The following BMS1 variants were observed in gnomAD, a reference collection of about 807,000 sequenced individuals.
BMS1 encodes the protein ribosome biogenesis protein BMS1 homolog.
Under a neutral mutation model 138.7 loss-of-function variants are expected in BMS1, and 53 were observed. That is an observed-to-expected ratio of 0.38 (90% CI 0.31 to 0.48). The LOEUF is 0.48. Ranked by LOEUF, BMS1 falls within the 20% of genes least tolerant of loss-of-function variation. The pLI, the probability that BMS1 is intolerant of heterozygous loss-of-function variation, is 0.97. For synonymous variants in BMS1, 504 were observed against 539.9 expected (o/e 0.93, Z 0.92); for missense variants, 1,360 against 1,565.5 (o/e 0.87, Z 2.22).
At chr10:42,830,197 C>A in intron 21 of BMS1, 64 bp from the exon 22 acceptor site, 4 of 1,575,088 alleles carry the variant, frequency 2.5e-6, no homozygotes, top group African/African-American at 1.4e-5. Flanking sequence ...AGATTTTATG[C>A]AGAAGTTTTA....
Position 42,832,402 on chromosome 10 carries a change from G to A in BMS1, c.*1306G>A, listed in dbSNP as rs1842816324. The A allele has an allele frequency of 7.2e-6, 1 of 138,164 alleles. No homozygotes were observed. The allele number at this position is 138,164 out of a possible 1,614,324, so 8.6% of individuals were successfully genotyped here. A position where few individuals can be genotyped will look rare whatever the true frequency, so the allele number is the denominator to read the frequency against. Reference sequence around the variant, plus strand: ...ATAGCACCACTGCACTCCAGCCTGGGCGACAGGGCAAGACCCTGTTTCAAA... The same window carrying A: ...ATAGCACCACTGCACTCCAGCCTGGACGACAGGGCAAGACCCTGTTTCAAA... On this transcript the variant is annotated 3_prime_UTR_variant, in exon 23 of 23. Coordinates refer to ENST00000374518, the MANE Select transcript of BMS1 (RefSeq NM_014753.4).
rs536456811 is a variant in BMS1, at chr10:42,822,188, T to C, written c.3132+4T>C. The stretch of plus-strand genomic sequence containing the variant: ...CAAGAACACTTCATTTATTAAGGTC[T>C]GTATATCTATATATTCTCATATTTA... On this transcript the variant is annotated splice_donor_region_variant and intron_variant, in intron 19 of 22. Coordinates refer to ENST00000374518, the MANE Select transcript of BMS1 (RefSeq NM_014753.4). 7.6e-7 allele frequency: 1 copy of C among 1,311,848 alleles called. No homozygotes were observed. Among genetic ancestry groups the C allele is most frequent in the East Asian group, 2.3e-5 (1 of 43,406 alleles). The allele number at this position is 1,311,848 out of a possible 1,614,324, so 81.3% of individuals were successfully genotyped here. A position where few individuals can be genotyped will look rare whatever the true frequency, so the allele number is the denominator to read the frequency against.
intron 18 of BMS1, among the ~76,000 whole-genome samples, chr10:42,821,228 T>G (rs944578922): frequency 1.8e-4 from 28 of 152,150 alleles, no homozygotes; most frequent in African/African-American, 6.8e-4. Context: ...TTGCATTTAT[T>G]TATCTAAGCA....
intron 5 of BMS1, among the ~76,000 whole-genome samples, chr10:42,791,339 A>C (rs1219266838): frequency 6.6e-6 from 1 of 152,008 alleles, no homozygotes; most frequent in Non-Finnish European, 1.5e-5. Context: ...CTTCCTTTCT[A>C]TACTGCTCTG....
intron 4 of BMS1, 116 bp downstream of exon 4, chr10:42,787,363 C>A (rs1011757050): frequency 8.4e-6 from 7 of 832,312 alleles, no homozygotes; most frequent in Admixed American, 3.8e-5. Context: ...TCATGGTCAT[C>A]ATCAGTGATA....
At position 42,820,388 on chromosome 10, in the gene BMS1, C is replaced by G. The variant is rs748601383; in HGVS notation, c.2733C>G (p.Gly911=). The change falls in exon 16 of 23, where the codon GGC becomes GGG. Residue 911 remains glycine (G), a synonymous_variant. Coordinates refer to ENST00000374518, the MANE Select transcript of BMS1 (RefSeq NM_014753.4). ...FDPHYPIILG[G]LGNSEGNVGY... ...CCCATTACCCCATTATCCTGGGTGG[C>G]TTGGGCAACAGTGAGGGAAATGTTG... 6.2e-7 allele frequency: 1 copy of G among 1,613,784 alleles called. No homozygotes were observed. The highest frequency in any genetic ancestry group is 8.5e-7 in the Non-Finnish European group (1 of 1,179,834).
chr10:42,821,718 A>G (rs1218317232), intron 18 of BMS1, among the ~76,000 whole-genome samples: 1 of 151,648 alleles, frequency 6.6e-6, no homozygotes, highest in African/African-American at 2.4e-5. Context: ...ATGCTGAGCT[A>G]ATTTTTGTAT....
At chr10:42,803,473 AT>A (rs1031056042) in intron 13 of BMS1, among the ~76,000 whole-genome samples, 17 of 150,870 alleles carry the variant, frequency 1.1e-4, no homozygotes, top group East Asian at 2.0e-4. Flanking sequence ...TATATATATA[AT>A]TTTTTTTTCT....
rs1842793720 is a variant in BMS1 at position 42,831,216 on chromosome 10, A to G, written c.*120A>G. 1 of 1,071,452 alleles carries G rather than the reference A, an allele frequency of 9.3e-7. No homozygotes were observed. Among genetic ancestry groups the G allele is most frequent in the Admixed American group, 2.8e-5 (1 of 35,954 alleles). The allele number at this position is 1,071,452 out of a possible 1,614,324, so 66.4% of individuals were successfully genotyped here. On this transcript the variant is annotated 3_prime_UTR_variant, in exon 23 of 23. Transcript: ENST00000374518. ...AGAGCTCAAGAGATGTCTCTACTCA[A>G]ACTGTGCCTGCAGGAGGAGGAACAG...
intron 21 of BMS1, among the ~76,000 whole-genome samples, chr10:42,826,073 G>C (rs759382336): frequency 2.0e-5 from 3 of 152,180 alleles, no homozygotes; most frequent in Admixed American, 1.3e-4. Flanking sequence ...CACATTGATT[G>C]ATTTACATAT....
At chr10:42,804,964 C>T (rs1486264265) in intron 13 of BMS1, among the ~76,000 whole-genome samples, 6 of 152,008 alleles carry the variant, frequency 3.9e-5, no homozygotes, top group East Asian at 1.9e-4. Flanking sequence ...GTGATCCATC[C>T]GCCTCAGCCT....
In BMS1 at chr10:42,829,892, G is replaced by T. The variant is rs1842753804; in HGVS notation, c.3457-369G>T. Reference sequence around the variant, plus strand: ...CAAGACAAAAAGCTAGATTATTTTTGTTAGTCTGGGAAATAAGCACCTCAG... The same window carrying T: ...CAAGACAAAAAGCTAGATTATTTTTTTTAGTCTGGGAAATAAGCACCTCAG... On this transcript the variant is annotated intron_variant, in intron 21 of 22. Coordinates refer to ENST00000374518, the MANE Select transcript of BMS1 (RefSeq NM_014753.4). Among the ~76,000 whole-genome samples the T allele has an allele frequency of 2.6e-5, 4 of 152,172 alleles. No individual in the cohort carries two copies. In the South Asian group the frequency reaches 8.3e-4, roughly 32 times the overall value.
chr10:42,786,540 C>T (rs1409223677), intron 3 of BMS1, among the ~76,000 whole-genome samples: 2 of 151,948 alleles, frequency 1.3e-5, no homozygotes, highest in Non-Finnish European at 2.9e-5. Context: ...CTACCTTAGC[C>T]TCCTGAGTAG....
chr10:42,797,017 A>G lies in BMS1; in HGVS notation c.1773A>G (p.Glu591=). ...HCTAEEVFAS[E]DESEESSSLS... is the part of the protein sequence containing the mutation. ...CAGCTGAAGAGGTGTTTGCATCTGA[A>G]GATGAATCTGAAGAAAGCTCCTCAC... Residue 591 remains glutamate (E), a synonymous_variant, in exon 10 of 23, where the codon GAA becomes GAG. Transcript: ENST00000374518. 1 of 1,614,210 alleles carries G rather than the reference A, an allele frequency of 6.2e-7. No individual in the cohort carries two copies. Among genetic ancestry groups the G allele is most frequent in the South Asian group, 1.1e-5 (1 of 91,084 alleles).
At chr10:42,829,217 C>G (rs1276363685) in intron 21 of BMS1, among the ~76,000 whole-genome samples, 4 of 151,868 alleles carry the variant, frequency 2.6e-5, no homozygotes, top group Admixed American at 6.6e-5. Flanking sequence ...GAGGCTGAGG[C>G]AAGAGAATGG....
At chr10:42,810,683 T>C (rs935582863) in intron 13 of BMS1, among the ~76,000 whole-genome samples, 11 of 152,198 alleles carry the variant, frequency 7.2e-5, no homozygotes, top group Non-Finnish European at 1.0e-4. Context: ...TTAATGGTTA[T>C]AGGACGATTC....
At position 42,800,566 on chromosome 10, in the gene BMS1, G is replaced by A. The variant is rs781194414; in HGVS notation, c.2248-1571G>A. On this transcript the variant is annotated intron_variant, in intron 12 of 22. Coordinates refer to ENST00000374518, the MANE Select transcript of BMS1 (RefSeq NM_014753.4). ...TTTTGAGATGGAGTTTCGCTCTGTC[G>A]CCCAGGCTGGAGTGCAGTGGCACAA... is the stretch of plus-strand genomic sequence containing the variant. 7.1e-5 allele frequency among the ~76,000 whole-genome samples: 10 copies of A among 140,466 alleles called. No homozygotes were observed. The East Asian group carries it at 1.0e-3, about 15-fold the overall frequency. 92.2% of individuals were successfully genotyped at this position (140,466 alleles called of 152,430 possible). A position where few individuals can be genotyped will look rare whatever the true frequency, so the allele number is the denominator to read the frequency against.
At chr10:42,818,432 T>C (rs1485038572) in intron 15 of BMS1, among the ~76,000 whole-genome samples, 1 of 152,170 alleles carries the variant, frequency 6.6e-6, no homozygotes, top group East Asian at 1.9e-4. Context: ...TGCCAAGAGA[T>C]CAGTCGGGTG....
chr10:42,783,301 C>T (rs1841216210), intron 1 of BMS1, among the ~76,000 whole-genome samples: 1 of 152,206 alleles, frequency 6.6e-6, no homozygotes, highest in Non-Finnish European at 1.5e-5. Flanking sequence ...TATGGTAATA[C>T]ATAAAGACTT....
Sources: allele counts gnomAD v4.1 joint callset (sites outside exome capture counted in the v4.1 genomes callset), GRCh38; gene constraint gnomAD v4.1.1; transcripts MANE v1.5; gene names NCBI Gene and HGNC (gene_info 2026-07-23, HGNC 2026-07-21).